The following UPRT variants were observed in gnomAD, a reference collection of about 807,000 sequenced individuals.
UPRT encodes the protein RP11-311P8.3.
Under a neutral mutation model 22.6 loss-of-function variants are expected in UPRT, and 5 were observed. That is an observed-to-expected ratio of 0.22 (90% CI 0.12 to 0.47). The LOEUF (loss-of-function observed/expected upper bound fraction) is 0.47, where lower values mean the gene tolerates loss of function less well. Among genes scored for constraint, UPRT ranks in the 20% least tolerant of loss-of-function variants. The pLI is 0.99. For missense variants in UPRT, 181 were observed against 239.9 expected, an observed-to-expected ratio of 0.75 and a Z score of 1.62; for synonymous variants, 77 against 87.7, an observed-to-expected ratio of 0.88 and a Z score of 0.68.
chrX:75,176,985 C>G (rs921476460), intron 4 of UPRT, among the ~76,000 whole-genome samples: 2 of 111,160 alleles, frequency 1.8e-5, no homozygotes, highest in Non-Finnish European at 3.8e-5. Flanking sequence ...TCAAATTGGT[C>G]CTAATGGCTT....
At chrX:75,265,848 G>T (rs1028507037) in intron 4 of UPRT, among the ~76,000 whole-genome samples, 17 of 111,248 alleles carry the variant, frequency 1.5e-4, no homozygotes, top group African/African-American at 4.9e-4. Context: ...ACATACAGAT[G>T]GGGTTTTGGT....
intron 4 of UPRT, among the ~76,000 whole-genome samples, chrX:75,224,605 G>A (rs751409855): frequency 7.6e-4 from 84 of 110,890 alleles, no homozygotes; most frequent in Middle Eastern, 4.7e-3. Context: ...CAGCCATTGA[G>A]TTCCTATCTT....
chrX:75,177,001 G>A (rs891525763), intron 4 of UPRT, among the ~76,000 whole-genome samples: 8 of 111,371 alleles, frequency 7.2e-5, no homozygotes, highest in Non-Finnish European at 1.3e-4. Context: ...GGCTTAGGAT[G>A]CATTTCAAGG....
At chrX:75,242,341 A>G (rs1250299230) in intron 4 of UPRT, among the ~76,000 whole-genome samples, 1 of 111,094 alleles carries the variant, frequency 9.0e-6, no homozygotes, top group Admixed American at 9.7e-5. Flanking sequence ...GTGCAAAAAG[A>G]TACTGCCAAA....
intron 4 of UPRT, among the ~76,000 whole-genome samples, chrX:75,225,310 C>A (rs903329341): frequency 4.7e-5 from 4 of 85,294 alleles, no homozygotes; most frequent in South Asian, 7.8e-4. Context: ...AAAAACAAAA[C>A]CAAAACCAAA....
At chrX:75,214,626 T>C (rs2082387794) in intron 4 of UPRT, among the ~76,000 whole-genome samples, 1 of 112,490 alleles carries the variant, frequency 8.9e-6, no homozygotes, top group African/African-American at 3.2e-5. Flanking sequence ...ACTTAAAATT[T>C]TAGCTAGGTG....
At chrX:75,250,438 T>C (rs979363937) in intron 4 of UPRT, among the ~76,000 whole-genome samples, 2 of 111,370 alleles carry the variant, frequency 1.8e-5, no homozygotes, top group Non-Finnish European at 3.8e-5. Flanking sequence ...AACACCTCTA[T>C]GCAAATAAAC....
intron 4 of UPRT, among the ~76,000 whole-genome samples, chrX:75,203,669 T>A (rs1028951861): frequency 2.6e-4 from 29 of 110,248 alleles, no homozygotes; most frequent in Non-Finnish European, 4.2e-4. Context: ...ATGGGCAGGG[T>A]CTGGGGGGGC....
At chrX:75,253,476 T>C (rs1379333534) in intron 4 of UPRT, among the ~76,000 whole-genome samples, 1 of 112,408 alleles carries the variant, frequency 8.9e-6, no homozygotes, top group African/African-American at 3.2e-5. Context: ...TGTAAAGTAG[T>C]TCAGCCATTG....
At chrX:75,239,753 G>A (rs892369026) in intron 4 of UPRT, among the ~76,000 whole-genome samples, 1 of 111,610 alleles carries the variant, frequency 9.0e-6, no homozygotes, top group Non-Finnish European at 1.9e-5. Flanking sequence ...AATACATCAT[G>A]ATTAAGTGGG....
At chrX:75,210,548 C>T (rs1394924774) in intron 4 of UPRT, among the ~76,000 whole-genome samples, 1 of 104,537 alleles carries the variant, frequency 9.6e-6, no homozygotes, top group Non-Finnish European at 1.9e-5. Context: ...GCCTGGTTTT[C>T]AGGAAAAGGG....
At chrX:75,278,616 G>A (rs2082641268) in intron 1 of UPRT, among the ~76,000 whole-genome samples, 1 of 112,000 alleles carries the variant, frequency 8.9e-6, no homozygotes, top group African/African-American at 3.2e-5. Context: ...GCAATGCAGT[G>A]TATTTAAAAG....
At chrX:75,222,116 T>C (rs1448274751) in intron 4 of UPRT, among the ~76,000 whole-genome samples, 1 of 112,128 alleles carries the variant, frequency 8.9e-6, no homozygotes, top group Non-Finnish European at 1.9e-5. Context: ...TTGGATAAAA[T>C]TGGCAAGAAT....
chrX:75,232,988 G>A (rs1344678127), intron 4 of UPRT, among the ~76,000 whole-genome samples: 2 of 111,843 alleles, frequency 1.8e-5, no homozygotes, highest in East Asian at 5.6e-4. Context: ...AAATTACTCC[G>A]AGCTACGGGA....
intron 4 of UPRT, among the ~76,000 whole-genome samples, chrX:75,266,390 T>G (rs922637502): frequency 4.5e-5 from 5 of 111,712 alleles, no homozygotes; most frequent in Non-Finnish European, 9.4e-5. Context: ...TAGCCATATG[T>G]AGAAAGCTGA....
intron 4 of UPRT, among the ~76,000 whole-genome samples, chrX:75,255,555 A>C (rs2082547004): frequency 8.9e-6 from 1 of 112,058 alleles, no homozygotes; most frequent in African/African-American, 3.2e-5. Context: ...TCCACTTAGA[A>C]GATACAGAAC....
Position 75,274,469 on chromosome X carries a change from C to T in UPRT, c.215C>T (p.Ser72Phe), listed in dbSNP as rs144630001. The stretch of plus-strand genomic sequence containing the variant: ...CTGGACTCTGGGGCCTGCGGCGGCT[C>T]CAGCCTCAACTCAGAGGGCAACAGT... ...AELDSGACGG[S>F]SLNSEGNSGS... The change falls in exon 1 of 7, where the codon TCC becomes TTC. Residue 72 changes from serine to phenylalanine, a missense_variant. This residue lies in a region of UPRT where 111 missense variants were observed against 102.8 expected (regional missense o/e 1.08). Transcript: ENST00000373383. 6.4e-4 allele frequency: 777 copies of T among 1,209,768 alleles called. 1 individual carries two copies. In the Middle Eastern group the frequency reaches 0.021, roughly 33 times the overall value.
chrX:75,290,116 A>C (rs73625841), intron 1 of UPRT, among the ~76,000 whole-genome samples: 6,370 of 111,903 alleles, frequency 0.057, 235 homozygotes, highest in African/African-American at 0.13. Context: ...AGCAAAAAAC[A>C]AAGAACCCCC....
intron 4 of UPRT, among the ~76,000 whole-genome samples, chrX:75,265,476 T>G (rs1194548450): frequency 1.8e-5 from 2 of 112,527 alleles, no homozygotes; most frequent in Non-Finnish European, 3.8e-5. Flanking sequence ...TCGAATTGGC[T>G]ACTGAGGCTT....
Sources: allele counts gnomAD v4.1 joint callset (sites outside exome capture counted in the v4.1 genomes callset), GRCh38; gene constraint gnomAD v4.1.1; regional missense constraint gnomAD v4.1.1; transcripts MANE v1.5; gene names NCBI Gene and HGNC (gene_info 2026-07-23, HGNC 2026-07-21).